The following MDM2 variants were observed in gnomAD, a reference collection of about 807,000 sequenced individuals.
MDM2 encodes E3 ubiquitin-protein ligase Mdm2.
Under a neutral mutation model 64.3 loss-of-function variants are expected in MDM2, and 11 were observed. The ratio of observed to expected loss-of-function variants is 0.17; its 90% CI spans 0.11 to 0.28. MDM2 has a LOEUF of 0.28. Ranked by LOEUF, MDM2 falls within the 10% of genes least tolerant of loss-of-function variation. The pLI is 1.00. For synonymous variants in MDM2, 194 were observed against 192.9 expected, an observed-to-expected ratio of 1.01 and a Z score of -0.05; for missense variants, 388 against 577.1, an observed-to-expected ratio of 0.67 and a Z score of 3.36.
At chr12:68,833,530 T>G (rs1300706467) in intron 8 of MDM2, among the ~76,000 whole-genome samples, 1 of 150,304 alleles carries the variant, frequency 6.7e-6, no homozygotes, top group Admixed American at 6.7e-5. Context: ...CTCCCAATAT[T>G]GCATTTTTTC....
At chr12:68,815,509 A>C (rs11177383) in intron 3 of MDM2, 34,219 of 151,534 alleles carry the variant, frequency 0.23, 4,769 homozygotes, top group Non-Finnish European at 0.31. Context: ...TGGCATGATC[A>C]CTGCTCGCTG....
chr12:68,825,589 C>G (rs546915922), intron 7 of MDM2, among the ~76,000 whole-genome samples: 1 of 151,730 alleles, frequency 6.6e-6, no homozygotes, highest in Non-Finnish European at 1.5e-5. Context: ...GGAGGCAGAG[C>G]TTACAGTGAG....
chr12:68,838,692 A>C (rs1453175859), intron 10 of MDM2, among the ~76,000 whole-genome samples: 1 of 152,146 alleles, frequency 6.6e-6, no homozygotes, highest in Non-Finnish European at 1.5e-5. Flanking sequence ...CCTTTAAGGG[A>C]GTGGATATAG....
intron 1 of MDM2, 197 bp from the exon 2 acceptor site, chr12:68,809,011 C>G: frequency 6.8e-7 from 1 of 1,465,528 alleles, no homozygotes; most frequent in Non-Finnish European, 9.0e-7. Flanking sequence ...CATGCATTTT[C>G]CCAGCTGTGT....
rs1434261828 is a variant in MDM2 at position 68,808,264 on chromosome 12, G to T, written c.-214G>T. On this transcript the variant is annotated 5_prime_UTR_variant, in exon 1 of 11. Transcript: ENST00000258149. ...TCGGAAAGATGGAGCAAGAAGCCGA[G>T]CCCGAGGGGCGGCCGCGACCCCTCT... The T allele has an allele frequency of 4.9e-6, 3 of 607,150 alleles. No homozygotes were observed. Among genetic ancestry groups the T allele is most frequent in the Non-Finnish European group, 5.8e-6 (2 of 345,166 alleles). The allele number at this position is 607,150 out of a possible 1,614,324, so 37.6% of individuals were successfully genotyped here.
downstream of MDM2, chr12:68,845,856 T>G (rs1884250851): frequency 6.6e-6 from 1 of 152,420 alleles, no homozygotes; most frequent in Non-Finnish European, 1.5e-5. Flanking sequence ...CTCAACCTCC[T>G]GGGCTCAAGC....
intron 4 of MDM2, among the ~76,000 whole-genome samples, chr12:68,819,848 A>G (rs1881701856): frequency 6.6e-6 from 1 of 152,244 alleles, no homozygotes. Context: ...ATGAAAGTCA[A>G]GATTATAATC....
At chr12:68,834,811 A>G (rs2136166247) in intron 8 of MDM2, among the ~76,000 whole-genome samples, 1 of 152,328 alleles carries the variant, frequency 6.6e-6, no homozygotes, top group East Asian at 1.9e-4. Flanking sequence ...AGAATAAGCC[A>G]TATCCCGACT....
downstream of MDM2, chr12:68,846,816 G>A (rs1304828329): frequency 6.6e-6 from 1 of 151,860 alleles, no homozygotes; most frequent in Admixed American, 6.6e-5. Flanking sequence ...GTACTTACTC[G>A]CCTAGTGACC....
At chr12:68,809,995 G>A (rs1386410128) in intron 2 of MDM2, among the ~76,000 whole-genome samples, 1 of 152,070 alleles carries the variant, frequency 6.6e-6, no homozygotes, top group African/African-American at 2.4e-5. Flanking sequence ...CATCCCGTGT[G>A]ACTATTTCTG....
At chr12:68,834,463 A>G (rs1427614743) in intron 8 of MDM2, among the ~76,000 whole-genome samples, 3 of 150,588 alleles carry the variant, frequency 2.0e-5, no homozygotes, top group Non-Finnish European at 3.0e-5. Context: ...AGGGCCGGGC[A>G]TGGTGGCTCA....
rs1479924161 is a variant in MDM2, at chr12:68,833,316, TAA to T, written c.685-2512_685-2511del. ...ATATATTTATATAAATATAAAAATA[TAA>T]TTATATAAATATAAAAATATATATT... On this transcript the variant is annotated intron_variant, in intron 8 of 10. Coordinates refer to ENST00000258149, the MANE Select transcript of MDM2 (RefSeq NM_002392.6). Among the ~76,000 whole-genome samples, 28 of 127,022 alleles carry T rather than the reference TAA, an allele frequency of 2.2e-4. 1 individual carries two copies. The highest frequency in any genetic ancestry group is 6.8e-4 in the African/African-American group (25 of 36,536). 83.3% of individuals were successfully genotyped at this position (127,022 alleles called of 152,430 possible).
At chr12:68,809,638 T>A (rs1176825604) in intron 2 of MDM2, among the ~76,000 whole-genome samples, 1 of 152,216 alleles carries the variant, frequency 6.6e-6, no homozygotes, top group East Asian at 1.9e-4. Context: ...TTCGTGCTTG[T>A]TTTAAAGATT....
At chr12:68,836,456 T>C in intron 9 of MDM2, 1 of 432,036 alleles carries the variant, frequency 2.3e-6, no homozygotes. Flanking sequence ...GTTTTATTCA[T>C]CCTAAACATC....
rs983507369 is a variant in MDM2 at position 68,840,262 on chromosome 12, A to G, written c.*413A>G. ...CGGGTTCGCACCATTCTCCTGCCTC[A>G]GCCTCCCAATTAGCTTGGCCTACAG... On this transcript the variant is annotated 3_prime_UTR_variant, in exon 11 of 11. Coordinates refer to ENST00000258149, the MANE Select transcript of MDM2 (RefSeq NM_002392.6). The G allele has an allele frequency of 8.2e-5, 15 of 183,404 alleles. No individual in the cohort carries two copies. The East Asian group carries it at 1.5e-3, about 18-fold the overall frequency. The allele number at this position is 183,404 out of a possible 1,614,324, so 11.4% of individuals were successfully genotyped here.
At chr12:68,815,740 A>G (rs1226896440) in intron 3 of MDM2, 2 of 244,882 alleles carry the variant, frequency 8.2e-6, no homozygotes, top group Non-Finnish European at 1.7e-5. Context: ...ACTGTGCCCA[A>G]CGCAATTTCT....
At chr12:68,837,078 T>G (rs946856497) in intron 10 of MDM2, among the ~76,000 whole-genome samples, 2 of 151,602 alleles carry the variant, frequency 1.3e-5, no homozygotes, top group African/African-American at 4.8e-5. Context: ...CTCAGTCTCC[T>G]GAGTAGCTGG....
chr12:68,816,883 T>C lies in MDM2; in HGVS notation c.246T>C (p.Tyr82=). 1 of 1,613,030 alleles carries C rather than the reference T, an allele frequency of 6.2e-7. No homozygotes were observed. Among genetic ancestry groups the C allele is most frequent in the Non-Finnish European group, 8.5e-7 (1 of 1,179,614 alleles). The change falls in exon 4 of 11, where the codon TAT becomes TAC. Residue 82 remains tyrosine, a synonymous_variant. Coordinates refer to ENST00000258149, the MANE Select transcript of MDM2 (RefSeq NM_002392.6). ...LYDEKQQHIV[Y]CSNDLLGDLF... ...ATGAGAAGCAACAACATATTGTATATTGTTCAAATGATCTTCTAGGAGATT... is the reference window on the plus strand; with the variant it reads ...ATGAGAAGCAACAACATATTGTATACTGTTCAAATGATCTTCTAGGAGATT...
intron 4 of MDM2, 166 bp downstream of exon 4, chr12:68,817,111 G>A: frequency 1.5e-6 from 1 of 671,174 alleles, no homozygotes; most frequent in South Asian, 2.3e-5. Flanking sequence ...CCTGAGCTCT[G>A]GCATCTTATA....
Sources: allele counts gnomAD v4.1 joint callset (sites outside exome capture counted in the v4.1 genomes callset), GRCh38; gene constraint gnomAD v4.1.1; transcripts MANE v1.5; gene names NCBI Gene and HGNC (gene_info 2026-07-23, HGNC 2026-07-21).